TXNDC11: variants seen among roughly 807,000 people sequenced by gnomAD.
TXNDC11 encodes the protein thioredoxin domain-containing protein 11.
Under a neutral mutation model 78.0 loss-of-function variants are expected in TXNDC11, and 68 were observed. That is an observed-to-expected ratio of 0.87 (90% confidence interval 0.72 to 1.07). TXNDC11 has a LOEUF of 1.07. Ranked by LOEUF, TXNDC11 falls within the 50% of genes least tolerant of loss-of-function variation. The pLI is 0.00. For synonymous variants in TXNDC11, 571 were observed against 495.2 expected (o/e 1.15, Z -2.03); for missense variants, 1,389 against 1,221.8 (o/e 1.14, Z -2.04).
At chr16:11,718,734 T>C (rs1330040106) in intron 5 of TXNDC11, among the ~76,000 whole-genome samples, 1 of 152,164 alleles carries the variant, frequency 6.6e-6, no homozygotes, top group African/African-American at 2.4e-5. Context: ...ATTAATTAAT[T>C]AATCTCAGCT....
intron 8 of TXNDC11, among the ~76,000 whole-genome samples, chr16:11,689,204 T>A (rs1204408931): frequency 6.6e-6 from 1 of 151,518 alleles, no homozygotes; most frequent in African/African-American, 2.4e-5. Context: ...TCCTCCTACC[T>A]CAGCCTCCAG....
intron 11 of TXNDC11, among the ~76,000 whole-genome samples, chr16:11,682,596 TG>T (rs1174443174): frequency 6.6e-6 from 1 of 152,242 alleles, no homozygotes; most frequent in African/African-American, 2.4e-5. Context: ...AGGCATGTGC[TG>T]GGTGCTAAGA....
intron 3 of TXNDC11, among the ~76,000 whole-genome samples, chr16:11,731,124 A>C (rs1048903553): frequency 1.3e-5 from 2 of 152,232 alleles, no homozygotes; most frequent in Non-Finnish European, 2.9e-5. Flanking sequence ...CTGGAAATTG[A>C]CCACATGCTA....
intron 1 of TXNDC11, 62 bp from the exon 2 acceptor site, chr16:11,736,295 G>T (rs2052219530): frequency 7.5e-7 from 1 of 1,326,302 alleles, no homozygotes. Flanking sequence ...ATAGCTCTGT[G>T]GAAGTAGAAT....
In TXNDC11 at chr16:11,691,273, T is replaced by TA. The variant is rs757891740; in HGVS notation, c.1900+16dup. 2 of 1,590,226 alleles carry TA rather than the reference T, an allele frequency of 1.3e-6. No individual in the cohort carries two copies. The highest frequency in any genetic ancestry group is 1.7e-6 in the Non-Finnish European group (2 of 1,168,874). On this transcript the variant is annotated intron_variant, in intron 8 of 11. Transcript: ENST00000283033. The stretch of plus-strand genomic sequence containing the variant: ...GCAAAATGTACAATGCTTGGGGAAA[T>TA]AAACTGCCTGCAGTACCTAGGGTGA...
At chr16:11,740,966 T>C (rs911683139) in intron 1 of TXNDC11, among the ~76,000 whole-genome samples, 2 of 152,036 alleles carry the variant, frequency 1.3e-5, no homozygotes, top group Non-Finnish European at 2.9e-5. Flanking sequence ...CTGAAGCCAT[T>C]GTAGTTGTTA....
At chr16:11,695,458 T>C (rs1025920991) in intron 7 of TXNDC11, among the ~76,000 whole-genome samples, 3 of 151,506 alleles carry the variant, frequency 2.0e-5, no homozygotes, top group Non-Finnish European at 2.9e-5. Flanking sequence ...AAGGTGGTAA[T>C]GAAAAAGTAA....
In TXNDC11 at chr16:11,742,692, G is replaced by A. The variant is rs1324105336; in HGVS notation, c.39C>T (p.Ser13=). Residue 13 remains serine, a synonymous_variant, in exon 1 of 12, where the codon AGC becomes AGT. Transcript: ENST00000283033. ...CTCCCTCGTCCTCGGCGTCCTCGCT[G>A]CTGCTGCTGCCGCCGCCGCGGCCTC... ...ECGGRGGGSS[S]SEDAEDEGGG... 2.7e-6 allele frequency: 4 copies of A among 1,479,424 alleles called. No individual in the cohort carries two copies. Among genetic ancestry groups the A allele is most frequent in the African/African-American group, 1.5e-5 (1 of 68,382 alleles). 91.6% of individuals were successfully genotyped at this position (1,479,424 alleles called of 1,614,324 possible). A position where few individuals can be genotyped will look rare whatever the true frequency, so the allele number is the denominator to read the frequency against.
intron 11 of TXNDC11, 24 bp downstream of exon 11, chr16:11,684,141 C>G: frequency 6.4e-7 from 1 of 1,565,954 alleles, no homozygotes; most frequent in Non-Finnish European, 8.8e-7. Context: ...CAACTGCCCA[C>G]CAGTGACAAA....
chr16:11,680,715 A>C (rs1401157498), intron 11 of TXNDC11, among the ~76,000 whole-genome samples: 1 of 152,080 alleles, frequency 6.6e-6, no homozygotes, highest in Non-Finnish European at 1.5e-5. Flanking sequence ...GTGTTAACAG[A>C]ATGGAAGTCA....
In TXNDC11 at chr16:11,698,238, G is replaced by T. The variant is rs201331028; in HGVS notation, c.994C>A (p.Arg332=). Residue 332 remains arginine, a synonymous_variant, in exon 7 of 12, where the codon CGG becomes AGG. Coordinates refer to ENST00000283033, the MANE Select transcript of TXNDC11 (RefSeq NM_015914.7). ...AGGAGACTCTTGCCTCCGTGTGGCCGCAGCCACCGAAAGAGCGTCTCCTGG... is the reference window on the plus strand; with the variant it reads ...AGGAGACTCTTGCCTCCGTGTGGCCTCAGCCACCGAAAGAGCGTCTCCTGG... The part of the protein sequence containing the change: ...ENQETLFRWL[R]PHGGKSLLLN... The T allele has an allele frequency of 1.2e-6, 2 of 1,614,104 alleles. No homozygotes were observed. Among genetic ancestry groups the T allele is most frequent in the South Asian group, 1.1e-5 (1 of 91,078 alleles).
chr16:11,731,487 C>G (rs1396899763), intron 3 of TXNDC11, among the ~76,000 whole-genome samples: 1 of 152,176 alleles, frequency 6.6e-6, no homozygotes, highest in Admixed American at 6.6e-5. Context: ...TTCAGTCTCA[C>G]ACAATACAGA....
At position 11,679,097 on chromosome 16, in the gene TXNDC11, G is replaced by A. The variant is rs8191348; in HGVS notation, c.*98C>T. 949 of 1,300,932 alleles carry A rather than the reference G, an allele frequency of 7.3e-4. 19 individuals are homozygous for A. The South Asian group carries it at 0.013, about 18-fold the overall frequency. 80.6% of individuals were successfully genotyped at this position (1,300,932 alleles called of 1,614,324 possible). A position where few individuals can be genotyped will look rare whatever the true frequency, so the allele number is the denominator to read the frequency against. ...ATTCAAGCTGATTTTCTAGACCACT[G>A]AGAAAATCTTTATTTACAATAAATT... On this transcript the variant is annotated 3_prime_UTR_variant, in exon 12 of 12. Transcript: ENST00000283033. The surrounding 1 kb of genome is among the most constrained non-coding windows in gnomAD (Gnocchi z 4.6).
chr16:11,691,639 T>C lies in TXNDC11; in HGVS notation c.1551A>G (p.Ser517=), dbSNP rs774628187. The C allele has an allele frequency of 5.6e-6, 9 of 1,614,088 alleles. No individual in the cohort carries two copies. The Admixed American group carries it at 1.2e-4, about 21-fold the overall frequency. Reference sequence around the variant, plus strand: ...CACCTTGTTCAGAGTCGATGAAGCCTGACACACCCCTGCTTATGGTCCTGC... The same window carrying C: ...CACCTTGTTCAGAGTCGATGAAGCCCGACACACCCCTGCTTATGGTCCTGC... The part of the protein sequence containing the change: ...ACCRTISRGV[S]GFIDSEQGVF... Residue 517 remains serine, a synonymous_variant, in exon 8 of 12, where the codon TCA becomes TCG. Transcript: ENST00000283033.
chr16:11,706,879 C>T (rs1257125856), intron 5 of TXNDC11, among the ~76,000 whole-genome samples: 1 of 152,122 alleles, frequency 6.6e-6, no homozygotes, highest in African/African-American at 2.4e-5. Context: ...TGGGTTTGAA[C>T]TGCGTGGGTC....
In TXNDC11 at chr16:11,736,173, A is replaced by G. The variant is rs1246150909; in HGVS notation, c.315T>C (p.Ser105=). The G allele has an allele frequency of 6.2e-7, 1 of 1,614,042 alleles. No individual in the cohort carries two copies. Among genetic ancestry groups the G allele is most frequent in the Non-Finnish European group, 8.5e-7 (1 of 1,180,008 alleles). Residue 105 remains serine (S), a synonymous_variant, in exon 2 of 12, where the codon TCT becomes TCC. Transcript: ENST00000283033. ...GCCCCTGGAAGAGGTCAAGGACTGGAGACCTCAAGGAGAAAAAGCTGACAG... is the reference window on the plus strand; with the variant it reads ...GCCCCTGGAAGAGGTCAAGGACTGGGGACCTCAAGGAGAAAAAGCTGACAG... ...KPPVSFFSLR[S]PVLDLFQGQL...
At chr16:11,721,491 G>A in intron 5 of TXNDC11, 86 bp downstream of exon 5, 1 of 714,852 alleles carries the variant, frequency 1.4e-6, no homozygotes, top group Non-Finnish European at 2.3e-6. Flanking sequence ...AAGCAAATTA[G>A]AATATATATT....
At chr16:11,707,453 A>AC (rs1233686090) in intron 5 of TXNDC11, among the ~76,000 whole-genome samples, 122 of 115,298 alleles carry the variant, frequency 1.1e-3, no homozygotes, top group African/African-American at 3.7e-3. Context: ...TATTTTTCCC[A>AC]ATTTTTTTTT....
rs1248134962 is a variant in TXNDC11, at chr16:11,742,756, T to TACCGCC, written c.-32_-27dup. ...TACATGCTCCCAGTCGCCGGCTTTA[T>TACCGCC]ACCGCCGCCGCCGCCTCGGGCCCGA... On this transcript the variant is annotated 5_prime_UTR_variant, in exon 1 of 12. Transcript: ENST00000283033. 1.5e-5 allele frequency: 22 copies of TACCGCC among 1,438,048 alleles called. 1 individual carries two copies. The highest frequency in any genetic ancestry group is 2.2e-4 in the Middle Eastern group (1 of 4,584). 89.1% of individuals were successfully genotyped at this position (1,438,048 alleles called of 1,614,324 possible). A position where few individuals can be genotyped will look rare whatever the true frequency, so the allele number is the denominator to read the frequency against.
Sources: allele counts gnomAD v4.1 joint callset (sites outside exome capture counted in the v4.1 genomes callset), GRCh38; gene constraint gnomAD v4.1.1; non-coding constraint Gnocchi (gnomAD v3.1); transcripts MANE v1.5; gene names NCBI Gene and HGNC (gene_info 2026-07-23, HGNC 2026-07-21).